Variants in DLGAP1 observed in about 807,000 individuals in gnomAD.
The protein encoded by DLGAP1 is DLG associated protein 1, also known as disks large-associated protein 1.
Under a neutral mutation model 90.8 loss-of-function variants are expected in DLGAP1, and 11 were observed. The observed-to-expected ratio is 0.12, with a 90% confidence interval of 0.08 to 0.20. The LOEUF (loss-of-function observed/expected upper bound fraction) is 0.20. Ranked by LOEUF, DLGAP1 falls within the 10% of genes least tolerant of loss-of-function variation. The probability of loss-of-function intolerance (pLI) is 1.00; values close to 1 mark genes in which losing one functional copy is unlikely to be tolerated. For synonymous variants in DLGAP1, 558 were observed against 540.7 expected (o/e 1.03, Z -0.44); for missense variants, 1,050 against 1,333.8 (o/e 0.79, Z 3.31).
chr18:4,320,210 G>A (rs1379590271), intron 1 of DLGAP1, among the ~76,000 whole-genome samples: 3 of 152,076 alleles, frequency 2.0e-5, no homozygotes, highest in Non-Finnish European at 4.4e-5. Context: ...TTCCTCCCAC[G>A]ATTTTCACAG....
chr18:4,265,128 TTCC>T (rs1362484261), intron 1 of DLGAP1, among the ~76,000 whole-genome samples: 3 of 149,082 alleles, frequency 2.0e-5, no homozygotes. Flanking sequence ...CCTTCCTTCC[TTCC>T]TTTCCTCCCT....
chr18:4,438,282 T>A (rs2083450068), intron 1 of DLGAP1, among the ~76,000 whole-genome samples: 1 of 152,028 alleles, frequency 6.6e-6, no homozygotes. Flanking sequence ...GATGTTATCA[T>A]CTGATGGGTC....
chr18:3,644,474 G>C (rs1038197351), intron 7 of DLGAP1, among the ~76,000 whole-genome samples: 2 of 151,760 alleles, frequency 1.3e-5, no homozygotes, highest in Non-Finnish European at 1.5e-5. Context: ...GTAATGGCGC[G>C]ATCTTGGCTC....
chr18:4,259,965 G>C lies in DLGAP1; in HGVS notation c.-266-108678C>G, dbSNP rs550505011. 1.5e-4 allele frequency among the ~76,000 whole-genome samples: 23 copies of C among 151,952 alleles called. No homozygotes were observed. The South Asian group carries it at 4.8e-3, about 32-fold the overall frequency. ...TCTAAAGATTCTAGTCTATAATATG[G>C]ACCAGACCTCCTTTGAAGATGAAAA... On this transcript the variant is annotated intron_variant, in intron 1 of 12. Transcript: ENST00000315677.
chr18:4,276,545 A>G (rs1398391505), intron 1 of DLGAP1, among the ~76,000 whole-genome samples: 8 of 151,996 alleles, frequency 5.3e-5, no homozygotes, highest in Non-Finnish European at 1.0e-4. Context: ...CTGAGGTGGG[A>G]GACTCACTTT....
intron 12 of DLGAP1, chr18:3,502,111 A>G (rs984093338): frequency 5.9e-6 from 6 of 1,024,112 alleles, no homozygotes; most frequent in Non-Finnish European, 5.8e-6. Flanking sequence ...TTGAAAACAC[A>G]TCCTAGGGGT....
At chr18:4,341,633 T>A (rs1336699598) in intron 1 of DLGAP1, among the ~76,000 whole-genome samples, 1 of 152,016 alleles carries the variant, frequency 6.6e-6, no homozygotes, top group Non-Finnish European at 1.5e-5. Context: ...TACAAACCTA[T>A]CCCCACCCTA....
intron 1 of DLGAP1, among the ~76,000 whole-genome samples, chr18:4,182,886 C>T (rs1168885717): frequency 6.6e-6 from 1 of 152,022 alleles, no homozygotes; most frequent in African/African-American, 2.4e-5. Context: ...TTGATAACAC[C>T]GAATTCACTT....
chr18:4,163,479 T>C (rs879869194), intron 1 of DLGAP1, among the ~76,000 whole-genome samples: 1 of 152,228 alleles, frequency 6.6e-6, no homozygotes, highest in African/African-American at 2.4e-5. Flanking sequence ...ATATGAACTG[T>C]AGAGTGCCCA....
At chr18:3,888,248 G>A (rs1181207631) in intron 3 of DLGAP1, among the ~76,000 whole-genome samples, 2 of 151,474 alleles carry the variant, frequency 1.3e-5, no homozygotes, top group East Asian at 3.9e-4. Flanking sequence ...ATAACTCAAT[G>A]TCATGTTCTT....
chr18:3,844,722 G>T (rs2148654277), intron 4 of DLGAP1, among the ~76,000 whole-genome samples: 1 of 152,188 alleles, frequency 6.6e-6, no homozygotes, highest in African/African-American at 2.4e-5. Flanking sequence ...CTGAAGCTGT[G>T]GAATAATTTT....
chr18:3,920,160 C>A (rs963612364), intron 3 of DLGAP1, among the ~76,000 whole-genome samples: 1 of 151,852 alleles, frequency 6.6e-6, no homozygotes, highest in South Asian at 2.1e-4. Flanking sequence ...CTGGCCAACA[C>A]GGTGAAACCC....
In DLGAP1 at chr18:4,429,910, C is replaced by T. The variant is rs576971881; in HGVS notation, c.-267+25096G>A. Among the ~76,000 whole-genome samples, 6 of 151,924 alleles carry T rather than the reference C, an allele frequency of 3.9e-5. No individual in the cohort carries two copies. The South Asian group carries it at 1.3e-3, about 32-fold the overall frequency. On this transcript the variant is annotated intron_variant, in intron 1 of 12. Coordinates refer to ENST00000315677, the MANE Select transcript of DLGAP1 (RefSeq NM_004746.4). ...TCAGTGTGCATCAGTATGCATAGAT[C>T]TTCAAAACAATATTAAATGAAAAAA...
At chr18:4,389,848 C>T (rs1257397901) in intron 1 of DLGAP1, among the ~76,000 whole-genome samples, 1 of 152,196 alleles carries the variant, frequency 6.6e-6, no homozygotes, top group African/African-American at 2.4e-5. Context: ...ACATCAATTA[C>T]TATAACCTGC....
intron 7 of DLGAP1, chr18:3,679,788 A>C (rs2060443430): frequency 6.6e-6 from 1 of 151,920 alleles, no homozygotes; most frequent in Admixed American, 6.6e-5. Flanking sequence ...AAAAGAAAGA[A>C]AGACAACAAA....
intron 7 of DLGAP1, among the ~76,000 whole-genome samples, chr18:3,624,299 C>T (rs2058213040): frequency 6.6e-6 from 1 of 152,226 alleles, no homozygotes; most frequent in Admixed American, 6.5e-5. Flanking sequence ...GCCCCTGCCC[C>T]GCGGTCCATT....
At chr18:3,823,810 C>T (rs2067555332) in intron 4 of DLGAP1, among the ~76,000 whole-genome samples, 1 of 151,804 alleles carries the variant, frequency 6.6e-6, no homozygotes. Flanking sequence ...ATTAGCCAGG[C>T]TTGGTGGCTG....
At chr18:4,332,403 AT>A (rs1335383318) in intron 1 of DLGAP1, among the ~76,000 whole-genome samples, 2 of 151,924 alleles carry the variant, frequency 1.3e-5, no homozygotes, top group Non-Finnish European at 2.9e-5. Flanking sequence ...GGTAGAAAAG[AT>A]TTTTTTAAAA....
chr18:4,043,022 C>A (rs2074998401), intron 2 of DLGAP1, among the ~76,000 whole-genome samples: 1 of 152,102 alleles, frequency 6.6e-6, no homozygotes. Flanking sequence ...ATGTTCCAAC[C>A]ACTAAAAAAT....
Sources: gnomAD v4.1 joint callset for allele counts (sites outside exome capture counted in the v4.1 genomes callset) on GRCh38, gnomAD v4.1.1 for gene constraint, MANE v1.5 for transcripts, NCBI Gene and HGNC (gene_info 2026-07-23, HGNC 2026-07-21) for gene names.